Variants in LRRC9 observed in about 807,000 individuals in gnomAD.
LRRC9 encodes leucine-rich repeat-containing protein 9.
LRRC9 carries 122 observed loss-of-function variants against 63.2 expected under a neutral mutation model. The ratio of observed to expected loss-of-function variants is 1.93; its 90% CI spans 1.67 to 2.24. The LOEUF (loss-of-function observed/expected upper bound fraction) is 2.24. Among genes scored for constraint, LRRC9 ranks in the 30% most tolerant of loss-of-function variants. The pLI is 0.00. For missense variants in LRRC9, 1,071 were observed against 627.7 expected, an observed-to-expected ratio of 1.71 and a Z score of -7.55; for synonymous variants, 366 against 213.1, an observed-to-expected ratio of 1.72 and a Z score of -6.25.
chr14:60,034,897 T>C (rs887759148), intron 29 of LRRC9, among the ~76,000 whole-genome samples: 10 of 152,142 alleles, frequency 6.6e-5, no homozygotes, highest in Non-Finnish European at 1.3e-4. Context: ...GGAAGTTCTA[T>C]TGTTAGTTTT....
intron 29 of LRRC9, among the ~76,000 whole-genome samples, chr14:60,036,902 C>T (rs941033534): frequency 3.9e-5 from 6 of 152,134 alleles, no homozygotes; most frequent in African/African-American, 9.7e-5. Context: ...TCTCCTAATG[C>T]TATCCCTCCC....
rs1022972494 is a variant in LRRC9, at chr14:60,058,502, A to G, written c.4276+480A>G. Among the ~76,000 whole-genome samples, 3 of 152,204 alleles carry G rather than the reference A, an allele frequency of 2.0e-5. No homozygotes were observed. The highest frequency in any genetic ancestry group is 7.2e-5 in the African/African-American group (3 of 41,454). On this transcript the variant is annotated intron_variant, in intron 31 of 31. Transcript: ENST00000445360. The surrounding 1 kb of genome is among the most constrained non-coding windows in gnomAD (Gnocchi z 4.4). Reference sequence around the variant, plus strand: ...ATAAGAAAATATTCATGAAGCAAATACTAGAGAAGGGCTTCAAGAGGTAGA... The same window carrying G: ...ATAAGAAAATATTCATGAAGCAAATGCTAGAGAAGGGCTTCAAGAGGTAGA...
intron 8 of LRRC9, among the ~76,000 whole-genome samples, chr14:59,955,176 G>T (rs1016619940): frequency 4.9e-4 from 74 of 152,100 alleles, no homozygotes; most frequent in African/African-American, 1.7e-3. Context: ...TTAGGGAGGA[G>T]TCCCTCTTTT....
At chr14:60,028,256 T>G (rs545837758) in intron 28 of LRRC9, among the ~76,000 whole-genome samples, 155 bp downstream of exon 28, 33 of 152,184 alleles carry the variant, frequency 2.2e-4, no homozygotes, top group African/African-American at 7.7e-4. Flanking sequence ...TAGTCTGTGA[T>G]GCAGAAATAT....
At chr14:59,920,659 C>A (rs987171256) in intron 1 of LRRC9, among the ~76,000 whole-genome samples, 11 of 151,884 alleles carry the variant, frequency 7.2e-5, no homozygotes, top group African/African-American at 2.7e-4. Flanking sequence ...CCTTTTATAC[C>A]CAAAGGAGGA....
intron 17 of LRRC9, among the ~76,000 whole-genome samples, chr14:59,991,331 C>T (rs757086136): frequency 1.3e-5 from 2 of 151,978 alleles, no homozygotes; most frequent in South Asian, 2.1e-4. Flanking sequence ...GTAAATGTAT[C>T]GGGGCAGAGC....
chr14:59,980,651 T>G (rs991094902), intron 15 of LRRC9, among the ~76,000 whole-genome samples: 1 of 152,258 alleles, frequency 6.6e-6, no homozygotes, highest in Non-Finnish European at 1.5e-5. Context: ...CTCCATTTAC[T>G]CAGGTCCTCT....
intron 8 of LRRC9, among the ~76,000 whole-genome samples, chr14:59,951,632 TC>T (rs1230944800): frequency 6.8e-6 from 1 of 147,150 alleles, no homozygotes; most frequent in East Asian, 2.1e-4. Flanking sequence ...TGTGGTTTTA[TC>T]TACTTTTGGT....
intron 29 of LRRC9, among the ~76,000 whole-genome samples, chr14:60,047,043 T>G (rs1014160946): frequency 6.6e-6 from 1 of 152,160 alleles, no homozygotes; most frequent in African/African-American, 2.4e-5. Context: ...GTTCCATTCA[T>G]GATTTGACTC....
intron 14 of LRRC9, among the ~76,000 whole-genome samples, 175 bp downstream of exon 14, chr14:59,977,522 A>T (rs1369686340): frequency 6.6e-6 from 1 of 151,700 alleles, no homozygotes; most frequent in East Asian, 1.9e-4. Flanking sequence ...ACATTTATAT[A>T]TGGGTGTGGG....
intron 27 of LRRC9, among the ~76,000 whole-genome samples, chr14:60,025,517 G>C (rs964333480): frequency 6.6e-6 from 1 of 151,986 alleles, no homozygotes; most frequent in Non-Finnish European, 1.5e-5. Flanking sequence ...GGCGAGCATG[G>C]CAAATTAGAG....
rs1463581820 is a variant in LRRC9, at chr14:60,053,071, AG to A, written c.3998del (p.Arg1333LysfsTer19). On this transcript the variant is annotated frameshift_variant, in exon 30 of 32. Coordinates refer to ENST00000445360, the Ensembl canonical transcript of LRRC9. LOFTEE classifies it high-confidence loss of function. This position sits in a 1 kb window ranked among gnomAD's most constrained non-coding sequence, Gnocchi z 4.8. ...TATTTTTAACTTTATTCAGATTTGT[AG>A]AAAAATGCTACATCGCCACATGCTT... The A allele has an allele frequency of 4.9e-5, 34 of 696,558 alleles. No individual in the cohort carries two copies. The East Asian group carries it at 8.9e-4, about 18-fold the overall frequency. The allele number at this position is 696,558 out of a possible 1,614,324, so 43.1% of individuals were successfully genotyped here.
At chr14:59,935,395 T>C (rs1295685220) in intron 6 of LRRC9, among the ~76,000 whole-genome samples, 1 of 152,060 alleles carries the variant, frequency 6.6e-6, no homozygotes, top group Non-Finnish European at 1.5e-5. Context: ...AAGATAAGGA[T>C]AAGATGGGCA....
intron 29 of LRRC9, among the ~76,000 whole-genome samples, chr14:60,049,182 GA>G (rs1287032845): frequency 6.6e-6 from 1 of 152,110 alleles, no homozygotes. Context: ...ATATCATACT[GA>G]TATTGGGGTC....
intron 7 of LRRC9, among the ~76,000 whole-genome samples, chr14:59,944,194 C>T (rs913332028): frequency 6.6e-6 from 1 of 151,892 alleles, no homozygotes; most frequent in Non-Finnish European, 1.5e-5. Flanking sequence ...GTTGTATTTG[C>T]TTTTAATTCT....
At position 60,019,046 on chromosome 14, in the gene LRRC9, G is replaced by T. The variant is rs184551338; in HGVS notation, c.3427-75G>T. The stretch of plus-strand genomic sequence containing the variant: ...CACTAATATATTATTAAATTATGTG[G>T]TATATTCCAAGTTTTATCCATACAA... On this transcript the variant is annotated intron_variant, in intron 25 of 31. Transcript: ENST00000445360. 7.1e-4 allele frequency: 405 copies of T among 569,998 alleles called. 1 individual carries two copies. In the East Asian group the frequency reaches 0.012, roughly 17 times the overall value. 35.3% of individuals were successfully genotyped at this position (569,998 alleles called of 1,614,324 possible).
In LRRC9 at chr14:59,962,648, C is replaced by A. The variant is rs1472812344; in HGVS notation, c.1211+1603C>A. 6.6e-6 allele frequency among the ~76,000 whole-genome samples: 1 copy of A among 152,044 alleles called. No homozygotes were observed. The highest frequency in any genetic ancestry group is 1.5e-5 in the Non-Finnish European group (1 of 67,996). ...AAACTCCTGGCCTCAAGTGATCTTC[C>A]CACCTCGGCCTCCCAAAGTGCTGAG... On this transcript the variant is annotated intron_variant, in intron 10 of 31. Coordinates refer to ENST00000445360, the Ensembl canonical transcript of LRRC9. The surrounding 1 kb of genome is among the most constrained non-coding windows in gnomAD (Gnocchi z 5.1).
At chr14:59,972,422 A>G (rs1387513259) in intron 12 of LRRC9, among the ~76,000 whole-genome samples, 1 of 152,080 alleles carries the variant, frequency 6.6e-6, no homozygotes. Flanking sequence ...TTGACTATGA[A>G]ATTGGAACTC....
At chr14:60,052,226 A>G (rs1031169600) in intron 29 of LRRC9, among the ~76,000 whole-genome samples, 22 of 152,240 alleles carry the variant, frequency 1.4e-4, no homozygotes, top group Non-Finnish European at 2.9e-4. Context: ...GAAGGGAAGA[A>G]GGAAGGAAGG....
Sources: gnomAD v4.1 joint callset for allele counts (sites outside exome capture counted in the v4.1 genomes callset) on GRCh38, gnomAD v4.1.1 for gene constraint, Gnocchi (gnomAD v3.1) non-coding constraint, MANE v1.5 for transcripts, NCBI Gene and HGNC (gene_info 2026-07-23, HGNC 2026-07-21) for gene names.